Variants in EEF1AKMT4 observed in about 807,000 individuals in gnomAD.
EEF1AKMT4 encodes the protein eukaryotic translation elongation factor 1 alpha lysine specific methyltransferase 4.
EEF1AKMT4 carries 17 observed loss-of-function variants against 23.0 expected under a neutral mutation model. That is an observed-to-expected ratio of 0.74 (90% CI 0.51 to 1.11). EEF1AKMT4 has a LOEUF of 1.11. Ranked by LOEUF, EEF1AKMT4 falls within the 50% of genes least tolerant of loss-of-function variation. The pLI is 0.00. For synonymous variants in EEF1AKMT4, 140 were observed against 141.4 expected, an observed-to-expected ratio of 0.99 and a Z score of 0.07; for missense variants, 318 against 333.4, an observed-to-expected ratio of 0.95 and a Z score of 0.36.
rs2108452333 is a variant in EEF1AKMT4 at position 184,258,390 on chromosome 3, C to T, written c.583C>T (p.Leu195=). 1 of 1,613,954 alleles carries T rather than the reference C, an allele frequency of 6.2e-7. No homozygotes were observed. Among genetic ancestry groups the T allele is most frequent in the Non-Finnish European group, 8.5e-7 (1 of 1,179,902 alleles). Reference sequence around the variant, plus strand: ...TGCCCAAGCCTATTATGGCTGGTCCCTGAGGCATGCTACCTATGGCAGCGG... The same window carrying T: ...TGCCCAAGCCTATTATGGCTGGTCCTTGAGGCATGCTACCTATGGCAGCGG... ...HYAQAYYGWS[L]RHATYGSGFH... Residue 195 remains leucine (L), a synonymous_variant, in exon 3 of 3, where the codon CTG becomes TTG. Coordinates refer to ENST00000324557, the MANE Select transcript of EEF1AKMT4 (RefSeq NM_032331.4).
At chr3:184,251,871 T>C (rs9832118) in intron 1 of EEF1AKMT4, among the ~76,000 whole-genome samples, 4,538 of 152,328 alleles carry the variant, frequency 0.03, 223 homozygotes, top group African/African-American at 0.1. Context: ...GCATATTTAT[T>C]AATTGGGCTT....
rs140055990 is a variant in EEF1AKMT4 at position 184,256,744 on chromosome 3, C to G, written c.197-729C>G. Reference sequence around the variant, plus strand: ...AGAGTGCAATGGCACAATCTTGGCTCACCGCAATCTCCGCCTCCCGGGTTC... The same window carrying G: ...AGAGTGCAATGGCACAATCTTGGCTGACCGCAATCTCCGCCTCCCGGGTTC... On this transcript the variant is annotated intron_variant, in intron 1 of 2. Transcript: ENST00000324557. Among the ~76,000 whole-genome samples, 498 of 151,708 alleles carry G rather than the reference C, an allele frequency of 3.3e-3. 4 individuals carry two copies. The highest frequency in any genetic ancestry group is 0.011 in the African/African-American group (474 of 41,386).
Position 184,249,839 on chromosome 3 carries a change from C to T in EEF1AKMT4, c.145C>T (p.Arg49Cys), listed in dbSNP as rs777227205. Residue 49 changes from arginine to cysteine, a missense_variant, in exon 1 of 3, where the codon CGT becomes TGT. Arg to Cys is a radical substitution (Grantham distance 180). Coordinates refer to ENST00000324557, the MANE Select transcript of EEF1AKMT4 (RefSeq NM_032331.4). ...TTGGTTCGGGGACTTCTCCTCCTTC[C>T]GTGCCCTCCTAGAGCCGGAGCTGCG... ...YDWFGDFSSFRALLEPELRPE... is the reference protein window; with the variant it reads ...YDWFGDFSSFCALLEPELRPE... 3 of 1,613,230 alleles carry T rather than the reference C, an allele frequency of 1.9e-6. No homozygotes were observed. In the South Asian group the frequency reaches 3.3e-5, roughly 18 times the overall value.
At position 184,258,429 on chromosome 3, in the gene EEF1AKMT4, C is replaced by G. The variant is rs777597950; in HGVS notation, c.622C>G (p.Leu208Val). The G allele has an allele frequency of 1.9e-6, 3 of 1,613,998 alleles. No individual in the cohort carries two copies. The highest frequency in any genetic ancestry group is 2.5e-6 in the Non-Finnish European group (3 of 1,179,932). Residue 208 changes from leucine (L) to valine (V), a missense_variant, in exon 3 of 3, where the codon CTC becomes GTC. Coordinates refer to ENST00000324557, the MANE Select transcript of EEF1AKMT4 (RefSeq NM_032331.4). ...CTATGGCAGCGGTTTCCACTTCCATCTCTACCTCATGCACAAGGGCGGGAA... is the reference window on the plus strand; with the variant it reads ...CTATGGCAGCGGTTTCCACTTCCATGTCTACCTCATGCACAAGGGCGGGAA... ...ATYGSGFHFH[L>V]YLMHKGGKLS...
intron 1 of EEF1AKMT4, among the ~76,000 whole-genome samples, chr3:184,252,176 C>A (rs1341097642): frequency 6.6e-6 from 1 of 152,174 alleles, no homozygotes; most frequent in Non-Finnish European, 1.5e-5. Context: ...AGCTTCACAG[C>A]AGATTCTTAT....
intron 1 of EEF1AKMT4, among the ~76,000 whole-genome samples, chr3:184,256,618 T>C (rs1431664504): frequency 6.6e-6 from 1 of 152,168 alleles, no homozygotes; most frequent in Non-Finnish European, 1.5e-5. Context: ...CCCAAATCTC[T>C]GAACTCCTAA....
chr3:184,249,770 T>C lies in EEF1AKMT4; in HGVS notation c.76T>C (p.Trp26Arg), dbSNP rs764759339. The C allele has an allele frequency of 2.5e-6, 4 of 1,613,302 alleles. No homozygotes were observed. The South Asian group carries it at 4.4e-5, about 18-fold the overall frequency. Reference sequence around the variant, plus strand: ...CTGCGGGTACCGCGAAGTCGAGTACTGGGATCAGCGCTACCAAGGCGCAGC... The same window carrying C: ...CTGCGGGTACCGCGAAGTCGAGTACCGGGATCAGCGCTACCAAGGCGCAGC... Reference protein sequence around the residue: ...RNCGYREVEYWDQRYQGAADS... With the variant: ...RNCGYREVEYRDQRYQGAADS... The change falls in exon 1 of 3, where the codon TGG becomes CGG. Residue 26 changes from tryptophan (W) to arginine (R), a missense_variant. Transcript: ENST00000324557.
At chr3:184,249,939 G>A in intron 1 of EEF1AKMT4, 49 bp downstream of exon 1, 1 of 1,582,878 alleles carries the variant, frequency 6.3e-7, no homozygotes, top group Non-Finnish European at 8.6e-7. Flanking sequence ...CAGGACCGGC[G>A]CCGCATGGGC....
rs200977472 is a variant in EEF1AKMT4 at position 184,249,854 on chromosome 3, C to T, written c.160C>T (p.Pro54Ser). Residue 54 changes from proline (P) to serine (S), a missense_variant, in exon 1 of 3, where the codon CCG (proline) becomes TCG (serine). Transcript: ENST00000324557. ...CTCCTCCTTCCGTGCCCTCCTAGAG[C>T]CGGAGCTGCGGCCCGAGGACCGTAT... Reference protein sequence around the residue: ...DFSSFRALLEPELRPEDRILV... With the variant: ...DFSSFRALLESELRPEDRILV... The T allele has an allele frequency of 4.3e-6, 7 of 1,612,934 alleles. No individual in the cohort carries two copies. The African/African-American group carries it at 9.3e-5, about 21-fold the overall frequency.
chr3:184,257,358 A>C (rs1470025460), intron 1 of EEF1AKMT4, 115 bp from the exon 2 acceptor site: 2 of 1,062,866 alleles, frequency 1.9e-6, no homozygotes, highest in African/African-American at 1.6e-5. Context: ...ACCTCCTCTC[A>C]GTACTAGAGG....
chr3:184,256,226 C>T (rs1484438443), intron 1 of EEF1AKMT4, among the ~76,000 whole-genome samples: 10 of 144,128 alleles, frequency 6.9e-5, no homozygotes, highest in African/African-American at 1.6e-4. Flanking sequence ...GAGCCGAGAT[C>T]GTGCCTCTGC....
intron 1 of EEF1AKMT4, among the ~76,000 whole-genome samples, chr3:184,256,290 A>AG (rs1719800869): frequency 6.9e-6 from 1 of 144,334 alleles, no homozygotes; most frequent in Non-Finnish European, 1.6e-5. Flanking sequence ...AAAAAAAAAA[A>AG]GAAAAGAAAA....
intron 1 of EEF1AKMT4, among the ~76,000 whole-genome samples, chr3:184,257,170 A>C (rs1366844589): frequency 6.9e-6 from 1 of 144,032 alleles, no homozygotes; most frequent in African/African-American, 2.6e-5. Flanking sequence ...AGATTACACC[A>C]CTGTACTCCA....
intron 1 of EEF1AKMT4, among the ~76,000 whole-genome samples, chr3:184,253,426 A>G (rs1469428527): frequency 1.3e-5 from 2 of 152,222 alleles, no homozygotes; most frequent in Non-Finnish European, 2.9e-5. Flanking sequence ...AAATGACTAC[A>G]TTGTGAATTA....
At chr3:184,250,033 TC>T in intron 1 of EEF1AKMT4, 143 bp downstream of exon 1, 1 of 913,180 alleles carries the variant, frequency 1.1e-6, no homozygotes, top group African/African-American at 1.7e-5. Context: ...TCCTTCAGAG[TC>T]CCGGCTGTAT....
intron 1 of EEF1AKMT4, among the ~76,000 whole-genome samples, chr3:184,255,245 GCCAC>G (rs762454274): frequency 2.6e-5 from 4 of 152,164 alleles, no homozygotes; most frequent in Admixed American, 1.3e-4. Flanking sequence ...GTCAGGTTCT[GCCAC>G]CCTTACCCCC....
chr3:184,251,024 G>A (rs989215152), intron 1 of EEF1AKMT4, among the ~76,000 whole-genome samples: 2 of 150,908 alleles, frequency 1.3e-5, no homozygotes, highest in Non-Finnish European at 2.9e-5. Context: ...GGCGGAGGTT[G>A]TGGTGAGCCA....
At chr3:184,252,093 A>G (rs1305807783) in intron 1 of EEF1AKMT4, among the ~76,000 whole-genome samples, 2 of 152,216 alleles carry the variant, frequency 1.3e-5, no homozygotes, top group African/African-American at 4.8e-5. Context: ...TTACCTGGGG[A>G]ACTAGACTGC....
rs151124523 is a variant in EEF1AKMT4 at position 184,257,936 on chromosome 3, G to A, written c.480+180G>A. ...AAGCGGGGTCGAGATTTATAGAGGCGGCTGGAGTAGTCAGGCTCACAAAGG... is the reference window on the plus strand; with the variant it reads ...AAGCGGGGTCGAGATTTATAGAGGCAGCTGGAGTAGTCAGGCTCACAAAGG... On this transcript the variant is annotated intron_variant, in intron 2 of 2. Coordinates refer to ENST00000324557, the MANE Select transcript of EEF1AKMT4 (RefSeq NM_032331.4). Among the ~76,000 whole-genome samples, 610 of 152,246 alleles carry A rather than the reference G, an allele frequency of 4.0e-3. 2 individuals carry two copies. Among genetic ancestry groups the A allele is most frequent in the African/African-American group, 0.014 (574 of 41,524 alleles).
Sources: allele counts gnomAD v4.1 joint callset (sites outside exome capture counted in the v4.1 genomes callset), GRCh38; gene constraint gnomAD v4.1.1; transcripts MANE v1.5; gene names NCBI Gene and HGNC (gene_info 2026-07-23, HGNC 2026-07-21).